CSMD3: variants seen among roughly 807,000 people sequenced by gnomAD.
CSMD3 encodes CUB and sushi domain-containing protein 3.
CSMD3 carries 177 observed loss-of-function variants against 435.2 expected under a neutral mutation model. The ratio of observed to expected loss-of-function variants is 0.41; its 90% CI spans 0.36 to 0.46. CSMD3 has a LOEUF of 0.46. Among genes scored for constraint, CSMD3 ranks in the 20% least tolerant of loss-of-function variants. CSMD3 has a pLI of 0.34. For synonymous variants in CSMD3, 1,656 were observed against 1,520.5 expected, an observed-to-expected ratio of 1.09 and a Z score of -2.07; for missense variants, 4,265 against 4,504.6, an observed-to-expected ratio of 0.95 and a Z score of 1.52.
chr8:112,989,577 C>T (rs1224716156), intron 6 of CSMD3, among the ~76,000 whole-genome samples: 1 of 151,924 alleles, frequency 6.6e-6, no homozygotes, highest in East Asian at 1.9e-4. Context: ...TATGTTTGTA[C>T]TATGTTGCTG....
At position 112,837,160 on chromosome 8, in the gene CSMD3, GA is replaced by G. The variant is rs901288464; in HGVS notation, c.1756-7372del. On this transcript the variant is annotated intron_variant, in intron 11 of 70. Transcript: ENST00000297405. ...AATAAATATTACATAAATTCTTCGG[GA>G]AAAAAATATAGAAAGCATCTATTGA... Among the ~76,000 whole-genome samples, 22 of 151,568 alleles carry G rather than the reference GA, an allele frequency of 1.5e-4. No individual in the cohort carries two copies. In the East Asian group the frequency reaches 1.9e-3, roughly 13 times the overall value.
intron 59 of CSMD3, among the ~76,000 whole-genome samples, chr8:112,278,210 G>A (rs1194556616): frequency 6.6e-6 from 1 of 152,096 alleles, no homozygotes; most frequent in African/African-American, 2.4e-5. Context: ...ATTACCTGAG[G>A]GACTTTTTTG....
chr8:112,480,539 A>G (rs1586464180), intron 31 of CSMD3, among the ~76,000 whole-genome samples: 1 of 152,014 alleles, frequency 6.6e-6, no homozygotes, highest in Non-Finnish European at 1.5e-5. Context: ...CATGGGGGAA[A>G]ATCCCTCATG....
intron 3 of CSMD3, among the ~76,000 whole-genome samples, chr8:113,259,686 A>C (rs150163430): frequency 6.6e-6 from 1 of 152,146 alleles, no homozygotes; most frequent in Non-Finnish European, 1.5e-5. Context: ...GGAGAAAATT[A>C]AAAAATGGGG....
At chr8:112,598,846 T>C (rs568106064) in intron 22 of CSMD3, among the ~76,000 whole-genome samples, 1 of 152,174 alleles carries the variant, frequency 6.6e-6, no homozygotes, top group Non-Finnish European at 1.5e-5. Context: ...ATCCCCTCCT[T>C]ACACCTTATA....
chr8:113,152,635 A>AT (rs1158047115), intron 4 of CSMD3, among the ~76,000 whole-genome samples: 1 of 151,938 alleles, frequency 6.6e-6, no homozygotes, highest in African/African-American at 2.4e-5. Context: ...TATAGCATGC[A>AT]TTTTTTTCTC....
chr8:113,248,060 A>T (rs2093294399), intron 3 of CSMD3, among the ~76,000 whole-genome samples: 1 of 152,100 alleles, frequency 6.6e-6, no homozygotes, highest in Admixed American at 6.6e-5. Flanking sequence ...GACTCTCAAG[A>T]AATTCATAGA....
At chr8:112,467,775 A>T (rs1818107568) in intron 32 of CSMD3, among the ~76,000 whole-genome samples, 1 of 152,152 alleles carries the variant, frequency 6.6e-6, no homozygotes, top group African/African-American at 2.4e-5. Flanking sequence ...TGTGAAGATG[A>T]CGTCAGAGAT....
intron 32 of CSMD3, among the ~76,000 whole-genome samples, chr8:112,424,394 T>C (rs897459009): frequency 6.6e-6 from 1 of 152,142 alleles, no homozygotes; most frequent in Non-Finnish European, 1.5e-5. Flanking sequence ...AAAGAAACTA[T>C]AAAGAACATA....
intron 10 of CSMD3, among the ~76,000 whole-genome samples, chr8:112,915,011 G>A (rs917390790): frequency 6.6e-6 from 1 of 151,880 alleles, no homozygotes; most frequent in Admixed American, 6.6e-5. Context: ...CTTTTTGCTA[G>A]TAGCACATAT....
chr8:113,121,585 C>G (rs1021731162), intron 4 of CSMD3, among the ~76,000 whole-genome samples: 1 of 152,050 alleles, frequency 6.6e-6, no homozygotes, highest in African/African-American at 2.4e-5. Flanking sequence ...CCTCAAAATA[C>G]TACATAATGG....
Position 112,313,980 on chromosome 8 carries a change from T to C in CSMD3, c.7622A>G (p.Asn2541Ser), listed in dbSNP as rs780683313. ...DYSSAFNITSNGHEVFLQWSA... is the reference protein window; with the variant it reads ...DYSSAFNITSSGHEVFLQWSA... ...CCACTGAAGAAATACTTCATGACCATTGCTTGTTATATTAAAAGCAGATGA... is the reference window on the plus strand; with the variant it reads ...CCACTGAAGAAATACTTCATGACCACTGCTTGTTATATTAAAAGCAGATGA... The change falls in exon 49 of 71, where the codon AAT becomes AGT. Residue 2541 changes from asparagine (N) to serine (S), a missense_variant. Physicochemically the swap from Asn to Ser is conservative, Grantham distance 46. This residue lies in a region of CSMD3 where 3,255 missense variants were observed against 3,380.2 expected (regional missense o/e 0.96). Transcript: ENST00000297405. 2.4e-5 allele frequency: 39 copies of C among 1,610,550 alleles called. No individual in the cohort carries two copies. Among genetic ancestry groups the C allele is most frequent in the Non-Finnish European group, 3.1e-5 (37 of 1,177,128 alleles).
chr8:112,321,328 C>A (rs1563787094), intron 45 of CSMD3, among the ~76,000 whole-genome samples: 1 of 151,982 alleles, frequency 6.6e-6, no homozygotes, highest in Non-Finnish European at 1.5e-5. Context: ...ATTTCAAAGC[C>A]CATTCAACAC....
At chr8:112,344,170 C>A (rs1825456686) in intron 41 of CSMD3, among the ~76,000 whole-genome samples, 1 of 152,162 alleles carries the variant, frequency 6.6e-6, no homozygotes, top group South Asian at 2.1e-4. Flanking sequence ...GTGTGAGACA[C>A]CATGCCTGGC....
At chr8:112,571,924 A>G (rs1829557648) in intron 24 of CSMD3, among the ~76,000 whole-genome samples, 1 of 151,720 alleles carries the variant, frequency 6.6e-6, no homozygotes, top group Admixed American at 6.6e-5. Context: ...GAAATGCAAC[A>G]TGATGCAGAA....
chr8:112,835,984 T>A (rs935832566), intron 11 of CSMD3, among the ~76,000 whole-genome samples: 7 of 151,870 alleles, frequency 4.6e-5, no homozygotes, highest in African/African-American at 7.2e-5. Context: ...TCTCTTCTTC[T>A]GAGTGGGAGT....
In CSMD3 at chr8:112,255,476, G is replaced by C. The variant is rs768564975; in HGVS notation, c.9863-49C>G. The C allele has an allele frequency of 1.9e-5, 30 of 1,545,424 alleles. No individual in the cohort carries two copies. In the Admixed American group the frequency reaches 4.0e-4, roughly 21 times the overall value. On this transcript the variant is annotated intron_variant, in intron 61 of 70. Coordinates refer to ENST00000297405, the MANE Select transcript of CSMD3 (RefSeq NM_198123.2). ...TATATCAAAGATTTAGTATACAGCA[G>C]AGTACACAGTTTGGAAAAATGGTGA... is the stretch of plus-strand genomic sequence containing the variant.
intron 13 of CSMD3, among the ~76,000 whole-genome samples, chr8:112,720,549 C>A (rs2076834898): frequency 6.6e-6 from 1 of 152,094 alleles, no homozygotes; most frequent in Admixed American, 6.6e-5. Flanking sequence ...TATACGGACC[C>A]TACATACATG....
intron 3 of CSMD3, among the ~76,000 whole-genome samples, chr8:113,243,223 T>C (rs2093239220): frequency 2.0e-5 from 3 of 152,142 alleles, no homozygotes; most frequent in Non-Finnish European, 4.4e-5. Flanking sequence ...ACATTCTTTC[T>C]TTAAAAAAGA....
Sources: allele counts gnomAD v4.1 joint callset (sites outside exome capture counted in the v4.1 genomes callset), GRCh38; gene constraint gnomAD v4.1.1; regional missense constraint gnomAD v4.1.1; transcripts MANE v1.5; gene names NCBI Gene and HGNC (gene_info 2026-07-23, HGNC 2026-07-21).